GPHN: variants seen among roughly 807,000 people sequenced by gnomAD.
The protein encoded by GPHN is gephyrin.
GPHN carries 17 observed loss-of-function variants against 95.5 expected under a neutral mutation model. The ratio of observed to expected loss-of-function variants is 0.18; its 90% CI spans 0.12 to 0.27. GPHN has a LOEUF of 0.27. Ranked by LOEUF, GPHN falls within the 10% of genes least tolerant of loss-of-function variation. GPHN has a pLI of 1.00. For synonymous variants in GPHN, 320 were observed against 322.5 expected, an observed-to-expected ratio of 0.99 and a Z score of 0.08; for missense variants, 660 against 978.1, an observed-to-expected ratio of 0.67 and a Z score of 4.34.
At chr14:67,368,114 C>A in the GPHN span, among the ~76,000 whole-genome samples, 1 of 152,132 alleles carries the variant, frequency 6.6e-6, no homozygotes. Context: ...CATGGGGAAG[C>A]ACCAGTTTTA....
At chr14:66,827,146 A>G (rs539306452) in intron 4 of GPHN, among the ~76,000 whole-genome samples, 1 of 152,208 alleles carries the variant, frequency 6.6e-6, no homozygotes, top group Non-Finnish European at 1.5e-5. Flanking sequence ...TTAGCTGGGC[A>G]TGGTGGCACA....
intron 1 of GPHN, among the ~76,000 whole-genome samples, chr14:66,654,504 G>T (rs921400823): frequency 2.6e-5 from 4 of 152,022 alleles, no homozygotes; most frequent in Non-Finnish European, 4.4e-5. Context: ...CTCATTTTCT[G>T]CTTTTTTTGT....
intron 11 of GPHN, among the ~76,000 whole-genome samples, chr14:67,077,774 A>G (rs2076552328): frequency 1.3e-5 from 2 of 152,160 alleles, no homozygotes; most frequent in South Asian, 2.1e-4. Context: ...TACTAACAAC[A>G]TAAAAAGACT....
At chr14:67,066,389 A>C (rs1052268833) in intron 11 of GPHN, among the ~76,000 whole-genome samples, 1 of 152,070 alleles carries the variant, frequency 6.6e-6, no homozygotes, top group African/African-American at 2.4e-5. Flanking sequence ...CCTTGGTGAA[A>C]TTGACAATTA....
chr14:67,224,252 CTCTTT>C, the GPHN span, among the ~76,000 whole-genome samples: 15 of 147,926 alleles, frequency 1.0e-4, no homozygotes, highest in Non-Finnish European at 2.1e-4. Flanking sequence ...GTTCATTTCT[CTCTTT>C]TCTTTTTTTT....
the GPHN span, among the ~76,000 whole-genome samples, chr14:67,591,222 A>G: frequency 6.6e-6 from 1 of 152,194 alleles, no homozygotes; most frequent in Non-Finnish European, 1.5e-5. Flanking sequence ...AAAGAGATAC[A>G]AATTTAATGC....
the GPHN span, among the ~76,000 whole-genome samples, chr14:67,248,164 AACTC>A: frequency 5.9e-5 from 9 of 152,190 alleles, no homozygotes; most frequent in African/African-American, 9.7e-5. Flanking sequence ...TTCTGGGACT[AACTC>A]TGGGGTTATT....
At chr14:67,144,250 A>ATATATACATATATATATGT (rs1555502004) in intron 18 of GPHN, among the ~76,000 whole-genome samples, 1 of 57,772 alleles carries the variant, frequency 1.7e-5, no homozygotes, top group Non-Finnish European at 2.9e-5. Flanking sequence ...AAAAAAAAAA[A>ATATATACATATATATATGT]ATATATATAT....
chr14:67,194,394 T>C, the GPHN span, among the ~76,000 whole-genome samples: 1 of 151,458 alleles, frequency 6.6e-6, no homozygotes, highest in Non-Finnish European at 1.5e-5. Flanking sequence ...TAGTAAATAG[T>C]TAATGTACTT....
At chr14:67,732,536 CA>C in the GPHN span, among the ~76,000 whole-genome samples, 141 of 130,064 alleles carry the variant, frequency 1.1e-3, no homozygotes, top group African/African-American at 1.4e-3. Flanking sequence ...CCAAACAAAG[CA>C]AAAAAAAAAA....
intron 9 of GPHN, among the ~76,000 whole-genome samples, chr14:66,992,696 A>G (rs759124191): frequency 2.6e-5 from 4 of 152,114 alleles, no homozygotes; most frequent in Non-Finnish European, 5.9e-5. Context: ...TATTGAGTTA[A>G]TGCGATAACT....
chr14:67,480,543 C>T, the GPHN span, among the ~76,000 whole-genome samples: 1 of 152,144 alleles, frequency 6.6e-6, no homozygotes. Context: ...CAGGAGAGAA[C>T]AGATCCAGGC....
chr14:67,272,221 G>A, the GPHN span, among the ~76,000 whole-genome samples: 1 of 152,044 alleles, frequency 6.6e-6, no homozygotes, highest in African/African-American at 2.4e-5. Context: ...TTCATAGGAT[G>A]GACCCAATCA....
intron 1 of GPHN, among the ~76,000 whole-genome samples, chr14:66,517,887 A>T (rs2058313081): frequency 6.6e-6 from 1 of 152,110 alleles, no homozygotes; most frequent in Non-Finnish European, 1.5e-5. Context: ...CTGGGAAAAA[A>T]TTTTATAAAT....
At chr14:67,582,418 T>C in the GPHN span, 2 of 816,948 alleles carry the variant, frequency 2.4e-6, no homozygotes, top group Non-Finnish European at 3.8e-6. This position sits in a 1 kb window ranked among gnomAD's most constrained non-coding sequence, Gnocchi z 5.0. Context: ...TGGCTGGACT[T>C]GGAATCCAGA....
chr14:67,338,628 A>G, the GPHN span: 1 of 1,613,618 alleles, frequency 6.2e-7, no homozygotes, highest in Admixed American at 1.7e-5. Context: ...AGATTATTCA[A>G]ATAGAAGATC....
intron 6 of GPHN, among the ~76,000 whole-genome samples, chr14:66,916,977 G>A (rs116901193): frequency 0.012 from 1,831 of 152,282 alleles, 19 homozygotes; most frequent in Non-Finnish European, 0.018. Context: ...AGTGTAGGGT[G>A]TGGATATATT....
the GPHN span, among the ~76,000 whole-genome samples, chr14:67,195,171 A>G: frequency 6.6e-6 from 1 of 152,254 alleles, no homozygotes; most frequent in Admixed American, 6.5e-5. Context: ...ATTATTTAGA[A>G]CATCACAGCA....
chr14:66,914,848 C>A (rs1030737020), intron 5 of GPHN, among the ~76,000 whole-genome samples: 2 of 151,956 alleles, frequency 1.3e-5, no homozygotes, highest in African/African-American at 4.8e-5. Context: ...CCTAAGTAAA[C>A]AGGAACATAT....
Sources: gnomAD v4.1 joint callset for allele counts (sites outside exome capture counted in the v4.1 genomes callset) on GRCh38, gnomAD v4.1.1 for gene constraint, Gnocchi (gnomAD v3.1) non-coding constraint, MANE v1.5 for transcripts, NCBI Gene and HGNC (gene_info 2026-07-23, HGNC 2026-07-21) for gene names.